The following GABRG3 variants were observed in gnomAD, a reference collection of about 807,000 sequenced individuals.
GABRG3 encodes the protein gamma-aminobutyric acid type A receptor subunit gamma3.
In GABRG3, 25 loss-of-function variants were observed where a neutral mutation model predicts 48.8. The observed-to-expected ratio is 0.51, with a 90% CI of 0.37 to 0.72. GABRG3 has a LOEUF of 0.72. Among genes scored for constraint, GABRG3 ranks in the 30% least tolerant of loss-of-function variants. The pLI, the probability that GABRG3 is intolerant of heterozygous loss-of-function variation, is 0.00. For missense variants in GABRG3, 394 were observed against 577.9 expected, an observed-to-expected ratio of 0.68 and a Z score of 3.26; for synonymous variants, 227 against 217.6, an observed-to-expected ratio of 1.04 and a Z score of -0.38.
At chr15:27,346,307 C>G (rs2140532216) in intron 5 of GABRG3, among the ~76,000 whole-genome samples, 1 of 152,240 alleles carries the variant, frequency 6.6e-6, no homozygotes, top group South Asian at 2.1e-4. Context: ...TCTTCTTTCT[C>G]AAATGTTAAA....
At chr15:27,283,701 G>A (rs1396027955) in intron 3 of GABRG3, among the ~76,000 whole-genome samples, 1 of 152,160 alleles carries the variant, frequency 6.6e-6, no homozygotes, top group East Asian at 1.9e-4. Context: ...GTGCCCAGGA[G>A]CATCTCCAGT....
At chr15:27,454,039 C>G (rs1312178566) in intron 5 of GABRG3, among the ~76,000 whole-genome samples, 5 of 152,224 alleles carry the variant, frequency 3.3e-5, no homozygotes, top group African/African-American at 1.2e-4. Flanking sequence ...TCCATGTCCA[C>G]ACCGGGAGGT....
At chr15:27,250,128 C>CG (rs1289843455) in intron 3 of GABRG3, among the ~76,000 whole-genome samples, 2 of 152,286 alleles carry the variant, frequency 1.3e-5, no homozygotes, top group East Asian at 3.9e-4. Flanking sequence ...CTCTGCTGGA[C>CG]TGGCCAGCCA....
intron 3 of GABRG3, among the ~76,000 whole-genome samples, chr15:27,064,950 G>C (rs1156683645): frequency 6.6e-6 from 1 of 152,116 alleles, no homozygotes; most frequent in African/African-American, 2.4e-5. Flanking sequence ...ATATACAATT[G>C]AGACACTAAT....
chr15:27,403,987 C>T (rs540784077), intron 5 of GABRG3, among the ~76,000 whole-genome samples: 2 of 150,566 alleles, frequency 1.3e-5, no homozygotes, highest in South Asian at 2.1e-4. Context: ...TTTGGGAGGC[C>T]GAGGCGGGTG....
intron 3 of GABRG3, among the ~76,000 whole-genome samples, chr15:27,093,005 T>C (rs1410283843): frequency 6.6e-6 from 1 of 152,042 alleles, no homozygotes; most frequent in Admixed American, 6.5e-5. Context: ...TTTGTTTTCC[T>C]GGCACACATC....
intron 5 of GABRG3, among the ~76,000 whole-genome samples, chr15:27,399,687 C>T (rs1461114999): frequency 2.0e-5 from 3 of 152,108 alleles, no homozygotes; most frequent in Admixed American, 1.3e-4. Context: ...CAACTTAAAC[C>T]GTCGTCTGTA....
chr15:27,461,878 A>T (rs552651001), intron 5 of GABRG3, among the ~76,000 whole-genome samples: 59 of 152,324 alleles, frequency 3.9e-4, no homozygotes, highest in African/African-American at 1.3e-3. Flanking sequence ...ACTTTTGTCT[A>T]CACTGGATGT....
chr15:27,079,919 G>T (rs187260251), intron 3 of GABRG3, among the ~76,000 whole-genome samples: 13 of 152,076 alleles, frequency 8.5e-5, no homozygotes, highest in African/African-American at 3.1e-4. Context: ...TGGAAGAAAG[G>T]TATCCTCCCA....
intron 2 of GABRG3, among the ~76,000 whole-genome samples, chr15:27,002,765 G>A (rs1410750942): frequency 0.035 from 2,086 of 59,404 alleles, 33 homozygotes; most frequent in African/African-American, 0.091. Context: ...AAAAAAAAAG[G>A]AAGGAAGGAA....
intron 6 of GABRG3, among the ~76,000 whole-genome samples, chr15:27,510,853 G>T (rs1167059718): frequency 1.3e-5 from 2 of 152,164 alleles, no homozygotes; most frequent in African/African-American, 4.8e-5. Context: ...AAAACTGATT[G>T]TAATAAAAAT....
chr15:27,272,717 G>C (rs1891129771), intron 3 of GABRG3, among the ~76,000 whole-genome samples: 1 of 152,164 alleles, frequency 6.6e-6, no homozygotes, highest in Middle Eastern at 3.2e-3. Context: ...TCAGAAAGAA[G>C]AGTGCTTCAA....
chr15:27,471,054 A>C (rs1889773444), intron 5 of GABRG3, among the ~76,000 whole-genome samples: 1 of 152,168 alleles, frequency 6.6e-6, no homozygotes, highest in African/African-American at 2.4e-5. Flanking sequence ...TTTAATCCAC[A>C]CAGAGCCAGC....
chr15:27,150,718 C>T (rs1017354017), intron 3 of GABRG3, among the ~76,000 whole-genome samples: 1 of 152,244 alleles, frequency 6.6e-6, no homozygotes, highest in African/African-American at 2.4e-5. Context: ...GTGAGTACCT[C>T]ACACAACTCG....
intron 3 of GABRG3, among the ~76,000 whole-genome samples, chr15:27,323,275 A>G (rs1893494226): frequency 6.6e-6 from 1 of 152,180 alleles, no homozygotes; most frequent in Admixed American, 6.5e-5. Flanking sequence ...TTTCTCTGTT[A>G]TACTTAGGTT....
chr15:27,300,545 T>C (rs1892162775), intron 3 of GABRG3, among the ~76,000 whole-genome samples: 2 of 151,914 alleles, frequency 1.3e-5, no homozygotes, highest in African/African-American at 4.8e-5. Context: ...TAATCCCAGC[T>C]ACTTGAGAGG....
At chr15:27,460,974 T>C (rs1262182511) in intron 5 of GABRG3, among the ~76,000 whole-genome samples, 1 of 152,194 alleles carries the variant, frequency 6.6e-6, no homozygotes, top group Admixed American at 6.5e-5. Flanking sequence ...GCAGGTTTGG[T>C]AGGCCCTAAA....
At chr15:27,436,109 C>T (rs1238672768) in intron 5 of GABRG3, among the ~76,000 whole-genome samples, 1 of 152,156 alleles carries the variant, frequency 6.6e-6, no homozygotes, top group Non-Finnish European at 1.5e-5. Context: ...ATACCAAAGA[C>T]TGGGGGGCTT....
chr15:27,173,113 G>A (rs968971268), intron 3 of GABRG3, among the ~76,000 whole-genome samples: 1 of 152,112 alleles, frequency 6.6e-6, no homozygotes, highest in East Asian at 1.9e-4. Flanking sequence ...ACATCAAATG[G>A]TTAGATTCAT....
Sources: gnomAD v4.1 joint callset for allele counts (sites outside exome capture counted in the v4.1 genomes callset) on GRCh38, gnomAD v4.1.1 for gene constraint, MANE v1.5 for transcripts, NCBI Gene and HGNC (gene_info 2026-07-23, HGNC 2026-07-21) for gene names.